The following CENPF variants were observed in gnomAD, a reference collection of about 807,000 sequenced individuals.
CENPF encodes the protein AH antigen.
A neutral mutation model predicts 307.3 loss-of-function variants in CENPF; 214 were observed. The ratio of observed to expected loss-of-function variants is 0.70; its 90% CI spans 0.62 to 0.78. The LOEUF (loss-of-function observed/expected upper bound fraction) is 0.78, where lower values mean the gene tolerates loss of function less well. Ranked by LOEUF, CENPF falls within the 30% of genes least tolerant of loss-of-function variation. The pLI is 0.00. For synonymous variants in CENPF, 1,259 were observed against 1,270.6 expected (o/e 0.99, Z 0.19); for missense variants, 3,401 against 3,483.9 (o/e 0.98, Z 0.60).
chr1:214,626,897 C>T (rs1657669835), intron 7 of CENPF, among the ~76,000 whole-genome samples: 2 of 152,202 alleles, frequency 1.3e-5, no homozygotes, highest in African/African-American at 2.4e-5. Flanking sequence ...GTAAGAATTA[C>T]ATTTCTCCTT....
In CENPF at chr1:214,645,328, T is replaced by C. The variant is rs1169025223; in HGVS notation, c.5758T>C (p.Tyr1920His). The C allele has an allele frequency of 6.2e-7, 1 of 1,614,032 alleles. No individual in the cohort carries two copies. Among genetic ancestry groups the C allele is most frequent in the African/African-American group, 1.3e-5 (1 of 74,920 alleles). The change falls in exon 13 of 20, where the codon TAC (tyrosine) becomes CAC (histidine). Residue 1920 changes from tyrosine (Y) to histidine (H), a missense_variant. Physicochemically the swap from Tyr to His is moderately conservative, Grantham distance 83 (BLOSUM62 2). Transcript: ENST00000366955. ...AGCTAGCATTGAGCATGAAGCCCTC[T>C]ACCTGGAGGCTGACTTAGAGGTAGT... ...EKASIEHEAL[Y>H]LEADLEVVQT...
At position 214,646,495 on chromosome 1, in the gene CENPF, C is replaced by A. The variant is rs187123117; in HGVS notation, c.6925C>A (p.Arg2309Ser). The change falls in exon 13 of 20, where the codon CGC (arginine) becomes AGC (serine). Residue 2309 changes from arginine to serine, a missense_variant. Transcript: ENST00000366955. The part of the protein sequence containing the change: ...LRNSIEKLRA[R>S]LEADEKKQLC... ...AAATAGCATTGAAAAGCTGAGAGCC[C>A]GCCTAGAAGCTGATGAAAAGAAGCA... is the stretch of plus-strand genomic sequence containing the variant. 16 of 1,613,914 alleles carry A rather than the reference C, an allele frequency of 9.9e-6. No individual in the cohort carries two copies. The Admixed American group carries it at 2.7e-4, about 27-fold the overall frequency.
At chr1:214,661,893 C>A (rs1467062434) in intron 19 of CENPF, among the ~76,000 whole-genome samples, 1 of 151,604 alleles carries the variant, frequency 6.6e-6, no homozygotes, top group African/African-American at 2.4e-5. Flanking sequence ...TTTCCCTCCC[C>A]TGTGTTATTC....
Position 214,640,422 on chromosome 1 carries a change from C to T in CENPF, c.2084C>T (p.Thr695Ile). 1 of 1,613,944 alleles carries T rather than the reference C, an allele frequency of 6.2e-7. No individual in the cohort carries two copies. The stretch of plus-strand genomic sequence containing the variant: ...GACAGTAAGTCAGTGGAGGTAGAGA[C>T]CCAGAAACTAGCTTATATGGAGCTA... ...VLDSKSVEVE[T>I]QKLAYMELQQ... The change falls in exon 12 of 20, where the codon ACC becomes ATC. Residue 695 changes from threonine to isoleucine, a missense_variant. By Grantham distance (89) the Thr-to-Ile change is moderately conservative. Coordinates refer to ENST00000366955, the MANE Select transcript of CENPF (RefSeq NM_016343.4).
At position 214,655,294 on chromosome 1, in the gene CENPF, G is replaced by A. The variant is rs373154133; in HGVS notation, c.8376G>A (p.Gln2792=). Residue 2792 remains glutamine, a synonymous_variant, in exon 17 of 20, where the codon CAG becomes CAA. Coordinates refer to ENST00000366955, the MANE Select transcript of CENPF (RefSeq NM_016343.4). Reference sequence around the variant, plus strand: ...TGAAGAAGGAAAATGAACGTGCCCAGGGGAAAATGAAGTTGTTGATCAAAT... The same window carrying A: ...TGAAGAAGGAAAATGAACGTGCCCAAGGGAAAATGAAGTTGTTGATCAAAT... The part of the protein sequence containing the change: ...NQLKKENERA[Q]GKMKLLIKSC... 6.2e-7 allele frequency: 1 copy of A among 1,609,686 alleles called. No homozygotes were observed. The highest frequency in any genetic ancestry group is 1.3e-5 in the African/African-American group (1 of 74,748).
At position 214,639,718 on chromosome 1, in the gene CENPF, A is replaced by G. The variant is rs2666829; in HGVS notation, c.1583-203A>G. On this transcript the variant is annotated intron_variant, in intron 11 of 19. Coordinates refer to ENST00000366955, the MANE Select transcript of CENPF (RefSeq NM_016343.4). ...ACAAATGTGTTACTCTCCTTAAGAT[A>G]ACCATTTTTCTCATTTTTATATAAG... Among the ~76,000 whole-genome samples the G allele has an allele frequency of 0.62, 94,601 of 151,870 alleles. 30,363 individuals are homozygous for G. Among genetic ancestry groups the G allele is most frequent in the African/African-American group, 0.77 (31,795 of 41,434 alleles).
Position 214,630,571 on chromosome 1 carries a change from ACCAGGAGTGCAT to A in CENPF, c.1237_1248del (p.Glu413_Gln416del), listed in dbSNP as rs1657778728. The A allele has an allele frequency of 3.1e-6, 5 of 1,614,014 alleles. No individual in the cohort carries two copies. The Admixed American group carries it at 8.3e-5, about 27-fold the overall frequency. On this transcript the variant is annotated inframe_deletion, in exon 9 of 20. Transcript: ENST00000366955. ...CAACAGCGTTCTTTCCAAACACTGG[ACCAGGAGTGCAT>A]CCAGATGAAGGCCAGACTCACCCAG...
At position 214,640,037 on chromosome 1, in the gene CENPF, C is replaced by T. The variant is rs767542466; in HGVS notation, c.1699C>T (p.Arg567Ter). The T allele has an allele frequency of 4.4e-6, 7 of 1,602,176 alleles. No individual in the cohort carries two copies. The highest frequency in any genetic ancestry group is 1.1e-5 in the South Asian group (1 of 87,774). The change falls in exon 12 of 20, where the codon CGA becomes TGA. Residue 567 changes from arginine (R) to a stop codon, truncating the protein, a stop_gained. Transcript: ENST00000366955. LOFTEE classifies it high-confidence loss of function. ...KLAVADLEKQ[R>*]DCSQDLLKKR... Reference sequence around the variant, plus strand: ...TGCTGTGGCTGATCTGGAAAAGCAGCGAGATTGTTCTCAAGACCTTTTGAA... The same window carrying T: ...TGCTGTGGCTGATCTGGAAAAGCAGTGAGATTGTTCTCAAGACCTTTTGAA...
intron 1 of CENPF, among the ~76,000 whole-genome samples, chr1:214,612,210 C>G (rs989866495): frequency 6.6e-6 from 1 of 152,062 alleles, no homozygotes; most frequent in Non-Finnish European, 1.5e-5. Context: ...TTAATGAAAG[C>G]TTTTCTGCAT....
chr1:214,618,285 CATAGTGGTTATT>C (rs1366098208), intron 3 of CENPF, among the ~76,000 whole-genome samples: 1 of 152,146 alleles, frequency 6.6e-6, no homozygotes, highest in African/African-American at 2.4e-5. Flanking sequence ...ATATCACTGT[CATAGTGGTTATT>C]ATAGATCTTC....
At chr1:214,619,258 T>A (rs1243830704) in intron 5 of CENPF, 38 bp downstream of exon 5, 2 of 973,718 alleles carry the variant, frequency 2.1e-6, no homozygotes, top group Non-Finnish European at 3.2e-6. Context: ...AGTATGCAGT[T>A]ATAGAATACT....
At chr1:214,648,853 T>C in intron 14 of CENPF, 26 bp downstream of exon 14, 2 of 1,607,560 alleles carry the variant, frequency 1.2e-6, no homozygotes, top group Admixed American at 1.7e-5. Flanking sequence ...ACAAGTGTTA[T>C]TATGATCTGT....
At chr1:214,655,461 CAT>C (rs1658606326) in intron 17 of CENPF, 58 bp downstream of exon 17, 1 of 1,445,556 alleles carries the variant, frequency 6.9e-7, no homozygotes, top group Non-Finnish European at 9.3e-7. Context: ...AGTGAAATAA[CAT>C]ATGGTATGCG....
chr1:214,616,229 A>C, intron 3 of CENPF, among the ~76,000 whole-genome samples: 1 of 152,280 alleles, frequency 6.6e-6, no homozygotes, highest in South Asian at 2.1e-4. Context: ...TGAAAATAAT[A>C]GCAGGGTATA....
At position 214,646,715 on chromosome 1, in the gene CENPF, G is replaced by T; in HGVS notation, c.7145G>T (p.Gly2382Val). 6.2e-7 allele frequency: 1 copy of T among 1,613,986 alleles called. No homozygotes were observed. Among genetic ancestry groups the T allele is most frequent in the Non-Finnish European group, 8.5e-7 (1 of 1,179,980 alleles). The change falls in exon 13 of 20, where the codon GGT becomes GTT. Residue 2382 changes from glycine (G) to valine (V), a missense_variant. Coordinates refer to ENST00000366955, the MANE Select transcript of CENPF (RefSeq NM_016343.4). ...KIEGMTQSLR[G>V]LELDVVTIRS... ...GAAGGGATGACCCAAAGTCTGAGAGGTCTGGAATTAGATGTTGTTACTATA... is the reference window on the plus strand; with the variant it reads ...GAAGGGATGACCCAAAGTCTGAGAGTTCTGGAATTAGATGTTGTTACTATA...
chr1:214,605,667 T>C lies in CENPF; in HGVS notation c.-42+2346T>C, dbSNP rs1009631456. On this transcript the variant is annotated intron_variant, in intron 1 of 19. Transcript: ENST00000366955. Reference sequence around the variant, plus strand: ...TTATTGCTGAGGTCTGGCCGGTTGGTGCCGCCGCTAGGCGAGCTGGCTGGC... The same window carrying C: ...TTATTGCTGAGGTCTGGCCGGTTGGCGCCGCCGCTAGGCGAGCTGGCTGGC... 3 of 1,574,734 alleles carry C rather than the reference T, an allele frequency of 1.9e-6. No homozygotes were observed. The African/African-American group carries it at 4.0e-5, about 21-fold the overall frequency.
chr1:214,655,049 C>A, intron 16 of CENPF, 192 bp from the exon 17 acceptor site: 1 of 379,204 alleles, frequency 2.6e-6, no homozygotes. Context: ...ATGACAAAAC[C>A]ACATTGTCAG....
At chr1:214,652,030 G>C (rs549514270) in intron 15 of CENPF, 144 bp downstream of exon 15, 5 of 566,174 alleles carry the variant, frequency 8.8e-6, no homozygotes, top group Non-Finnish European at 1.4e-5. Context: ...TTAACTTCAC[G>C]ATCTTTTCCC....
chr1:214,655,264 T>G lies in CENPF; in HGVS notation c.8346T>G (p.Asn2782Lys). The G allele has an allele frequency of 6.2e-7, 1 of 1,600,524 alleles. No individual in the cohort carries two copies. The highest frequency in any genetic ancestry group is 2.2e-5 in the East Asian group (1 of 44,488). The change falls in exon 17 of 20, where the codon AAT becomes AAG. Residue 2782 changes from asparagine to lysine, a missense_variant. Asn to Lys is a moderately conservative substitution (Grantham distance 94). Coordinates refer to ENST00000366955, the MANE Select transcript of CENPF (RefSeq NM_016343.4). ...AGATGGACAATCTAAAATATGTAAA[T>G]CAGTTGAAGAAGGAAAATGAACGTG... ...KTKMDNLKYV[N>K]QLKKENERAQ...
Sources: allele counts gnomAD v4.1 joint callset (sites outside exome capture counted in the v4.1 genomes callset), GRCh38; gene constraint gnomAD v4.1.1; transcripts MANE v1.5; gene names NCBI Gene and HGNC (gene_info 2026-07-23, HGNC 2026-07-21).